The following ORMDL3 variants were observed in gnomAD, a reference collection of about 807,000 sequenced individuals.
ORMDL3 encodes ORM1-like protein 3.
ORMDL3 carries 6 observed loss-of-function variants against 12.6 expected under a neutral mutation model. The observed-to-expected ratio is 0.48, with a 90% CI of 0.26 to 0.94. ORMDL3 has a LOEUF of 0.94. Among genes scored for constraint, ORMDL3 ranks in the 40% least tolerant of loss-of-function variants. The pLI is 0.14. For missense variants in ORMDL3, 159 were observed against 205.5 expected, an observed-to-expected ratio of 0.77 and a Z score of 1.38; for synonymous variants, 99 against 87.2, an observed-to-expected ratio of 1.14 and a Z score of -0.75.
chr17:39,927,057 G>A, intron 1 of ORMDL3: 1 of 956,510 alleles, frequency 1.0e-6, no homozygotes, highest in Non-Finnish European at 1.2e-6. Context: ...CGAAGAGGCG[G>A]AGTCCTCACT....
intron 1 of ORMDL3, 113 bp from the exon 2 acceptor site, chr17:39,924,338 C>T (rs780128620): frequency 2.6e-4 from 253 of 975,172 alleles, no homozygotes; most frequent in Non-Finnish European, 3.6e-4. Flanking sequence ...CAGGCAGTTC[C>T]ACTCTTTTGA....
At position 39,923,103 on chromosome 17, in the gene ORMDL3, G is replaced by A. The variant is rs1473735865; in HGVS notation, c.326+9C>T. On this transcript the variant is annotated intron_variant, in intron 3 of 3. Transcript: ENST00000304046. The stretch of plus-strand genomic sequence containing the variant: ...CCTGCTGGTGTCTTCCTGTAGCCCA[G>A]GCACTCACAGCACGATGGGTGTGAT... 10 of 1,614,076 alleles carry A rather than the reference G, an allele frequency of 6.2e-6. No individual in the cohort carries two copies. The highest frequency in any genetic ancestry group is 7.6e-6 in the Non-Finnish European group (9 of 1,179,978).
intron 1 of ORMDL3, chr17:39,926,085 C>G (rs1361977912): frequency 1.3e-5 from 2 of 152,160 alleles, no homozygotes; most frequent in African/African-American, 4.8e-5. Flanking sequence ...CATCACCTCT[C>G]TGTAACCCGC....
Position 39,922,393 on chromosome 17 carries a change from G to A in ORMDL3, c.*157C>T. 1 of 900,422 alleles carries A rather than the reference G, an allele frequency of 1.1e-6. No homozygotes were observed. The allele number at this position is 900,422 out of a possible 1,614,324, so 55.8% of individuals were successfully genotyped here. On this transcript the variant is annotated 3_prime_UTR_variant, in exon 4 of 4. Coordinates refer to ENST00000304046, the MANE Select transcript of ORMDL3 (RefSeq NM_139280.4). ...ACCCCACTACAAGCTACTCCAAGTT[G>A]GCTACTGGGGGAAGCGAGGGGGGAA...
Position 39,922,347 on chromosome 17 carries a change from G to C in ORMDL3, c.*203C>G, listed in dbSNP as rs1054993834. On this transcript the variant is annotated 3_prime_UTR_variant, in exon 4 of 4. Coordinates refer to ENST00000304046, the MANE Select transcript of ORMDL3 (RefSeq NM_139280.4). ...AGATCAAAAAATTCAGAAAAGGTCA[G>C]AGCCCAGGGGGCCTACCCCAACCCC... 1.7e-5 allele frequency: 10 copies of C among 575,938 alleles called. No individual in the cohort carries two copies. In the African/African-American group the frequency reaches 1.9e-4, roughly 11 times the overall value. The allele number at this position is 575,938 out of a possible 1,614,324, so 35.7% of individuals were successfully genotyped here.
chr17:39,925,777 TG>T (rs1978379201), intron 1 of ORMDL3: 1 of 152,218 alleles, frequency 6.6e-6, no homozygotes, highest in African/African-American at 2.4e-5. Flanking sequence ...TGCGCCAGCC[TG>T]GGGCGCATTC....
chr17:39,923,194 G>C lies in ORMDL3; in HGVS notation c.244C>G (p.Leu82Val), dbSNP rs780286224. The change falls in exon 3 of 4, where the codon CTG (leucine) becomes GTG (valine). Residue 82 changes from leucine to valine, a missense_variant. Leu to Val is a conservative substitution (Grantham distance 32). Coordinates refer to ENST00000304046, the MANE Select transcript of ORMDL3 (RefSeq NM_139280.4). ...FETPDQGKARLLTHWEQMDYG... is the reference protein window; with the variant it reads ...FETPDQGKARVLTHWEQMDYG... ...TCCATCTGCTCCCAGTGGGTTAGCA[G>C]CCTCGCCTTGCCCTGGTCCGGGGTC... is the stretch of plus-strand genomic sequence containing the variant. 5 of 1,614,210 alleles carry C rather than the reference G, an allele frequency of 3.1e-6. No individual in the cohort carries two copies. Among genetic ancestry groups the C allele is most frequent in the Non-Finnish European group, 4.2e-6 (5 of 1,180,016 alleles).
In ORMDL3 at chr17:39,924,023, C is replaced by T. The variant is rs773814803; in HGVS notation, c.174+7G>A. ...GGGGCAGGGGCAGGCAGCAGACAGGCTCTCACCATGTTGTGAATGAGGTTG... is the reference window on the plus strand; with the variant it reads ...GGGGCAGGGGCAGGCAGCAGACAGGTTCTCACCATGTTGTGAATGAGGTTG... On this transcript the variant is annotated splice_region_variant and intron_variant, in intron 2 of 3. Transcript: ENST00000304046. The T allele has an allele frequency of 1.9e-5, 31 of 1,594,522 alleles. No individual in the cohort carries two copies. Among genetic ancestry groups the T allele is most frequent in the Non-Finnish European group, 2.6e-5 (30 of 1,169,218 alleles).
intron 3 of ORMDL3, 54 bp downstream of exon 3, chr17:39,923,058 G>T: frequency 6.2e-7 from 1 of 1,606,012 alleles, no homozygotes; most frequent in Admixed American, 1.7e-5. Context: ...GGGCCCTGGG[G>T]TCCTCCAGGC....
chr17:39,924,379 T>C (rs1391331359), intron 1 of ORMDL3, among the ~76,000 whole-genome samples, 154 bp from the exon 2 acceptor site: 1 of 152,176 alleles, frequency 6.6e-6, no homozygotes, highest in Non-Finnish European at 1.5e-5. Context: ...AGAAAGTCCA[T>C]GTGGACTTAG....
rs1202176389 is a variant in ORMDL3, at chr17:39,923,258, C to T, written c.180G>A (p.Met60Ile). Residue 60 changes from methionine (M) to isoleucine (I), a missense_variant, in exon 3 of 4, where the codon ATG becomes ATA. By Grantham distance (10) the Met-to-Ile change is conservative. Coordinates refer to ENST00000304046, the MANE Select transcript of ORMDL3 (RefSeq NM_139280.4). Reference sequence around the variant, plus strand: ...CCTTCACCGTGTGCAGGAAGATATACATGCCCTGGAGGAAGAAGTCTTTGT... The same window carrying T: ...CCTTCACCGTGTGCAGGAAGATATATATGCCCTGGAGGAAGAAGTCTTTGT... ...TLTNLIHNMG[M>I]YIFLHTVKGT... is the part of the protein sequence containing the mutation. 5 of 1,614,158 alleles carry T rather than the reference C, an allele frequency of 3.1e-6. No individual in the cohort carries two copies. The highest frequency in any genetic ancestry group is 4.2e-6 in the Non-Finnish European group (5 of 1,179,996).
At chr17:39,923,630 G>A (rs1220250435) in intron 2 of ORMDL3, among the ~76,000 whole-genome samples, 1 of 152,160 alleles carries the variant, frequency 6.6e-6, no homozygotes, top group African/African-American at 2.4e-5. Flanking sequence ...TGGTGAGGGA[G>A]CAGAGAAGGG....
chr17:39,927,372 C>T, intron 1 of ORMDL3, 112 bp downstream of exon 1: 1 of 753,042 alleles, frequency 1.3e-6, no homozygotes, highest in South Asian at 6.0e-5. Context: ...TCCCTCCACC[C>T]CCCACTCCCT....
At chr17:39,925,982 C>A (rs117221462) in intron 1 of ORMDL3, 1 of 152,138 alleles carries the variant, frequency 6.6e-6, no homozygotes, top group Non-Finnish European at 1.5e-5. Flanking sequence ...GAGGGGAGGG[C>A]GGCATGTGGC....
chr17:39,926,700 C>T (rs1001630188), intron 1 of ORMDL3: 14 of 809,696 alleles, frequency 1.7e-5, no homozygotes, highest in Admixed American at 6.2e-5. Flanking sequence ...ATACAAATAT[C>T]CGGGCCCAGC....
At position 39,927,507 on chromosome 17, in the gene ORMDL3, C is replaced by T. The variant is rs367584304; in HGVS notation, c.-46G>A. ...ACCGTGTGGGGCCGAAGATCAACGG[C>T]CCGGGAACGGTTCCCGGGAGCGGGG... is the stretch of plus-strand genomic sequence containing the variant. On this transcript the variant is annotated 5_prime_UTR_variant, in exon 1 of 4. Transcript: ENST00000304046. The T allele has an allele frequency of 1.0e-6, 1 of 985,404 alleles. No individual in the cohort carries two copies. Among genetic ancestry groups the T allele is most frequent in the South Asian group, 4.7e-5 (1 of 21,292 alleles). The allele number at this position is 985,404 out of a possible 1,614,324, so 61.0% of individuals were successfully genotyped here.
intron 1 of ORMDL3, chr17:39,926,824 C>CAGAA: frequency 1.0e-6 from 1 of 985,980 alleles, no homozygotes; most frequent in Non-Finnish European, 1.2e-6. Flanking sequence ...AACCTCCTGT[C>CAGAA]TTCTGGAAGA....
chr17:39,926,822 G>C, intron 1 of ORMDL3: 2 of 986,006 alleles, frequency 2.0e-6, no homozygotes, highest in Non-Finnish European at 2.4e-6. Context: ...CAAACCTCCT[G>C]TCTTCTGGAA....
rs749496665 is a variant in ORMDL3, at chr17:39,923,196, C to A, written c.242G>T (p.Arg81Met). 6.2e-7 allele frequency: 1 copy of A among 1,614,106 alleles called. No individual in the cohort carries two copies. Among genetic ancestry groups the A allele is most frequent in the African/African-American group, 1.3e-5 (1 of 74,940 alleles). ...CATCTGCTCCCAGTGGGTTAGCAGC[C>A]TCGCCTTGCCCTGGTCCGGGGTCTC... Reference protein sequence around the residue: ...PFETPDQGKARLLTHWEQMDY... With the variant: ...PFETPDQGKAMLLTHWEQMDY... Residue 81 changes from arginine to methionine, a missense_variant, in exon 3 of 4, where the codon AGG becomes ATG. Transcript: ENST00000304046.
Sources: gnomAD v4.1 joint callset for allele counts (sites outside exome capture counted in the v4.1 genomes callset) on GRCh38, gnomAD v4.1.1 for gene constraint, MANE v1.5 for transcripts, NCBI Gene and HGNC (gene_info 2026-07-23, HGNC 2026-07-21) for gene names.